The following MORC1 variants were observed in gnomAD, a reference collection of about 807,000 sequenced individuals.
The protein encoded by MORC1 is MORC family CW-type zinc finger protein 1.
Under a neutral mutation model 134.9 loss-of-function variants are expected in MORC1, and 59 were observed. The ratio of observed to expected loss-of-function variants is 0.44; its 90% CI spans 0.35 to 0.54. The LOEUF (loss-of-function observed/expected upper bound fraction) is 0.54, where lower values mean the gene tolerates loss of function less well. Ranked by LOEUF, MORC1 falls within the 20% of genes least tolerant of loss-of-function variation. The pLI is 0.00. For synonymous variants in MORC1, 395 were observed against 391.7 expected, an observed-to-expected ratio of 1.01 and a Z score of -0.10; for missense variants, 947 against 1,134.5, an observed-to-expected ratio of 0.83 and a Z score of 2.37.
chr3:108,980,681 A>G (rs1000358618), intron 23 of MORC1, among the ~76,000 whole-genome samples: 19 of 152,230 alleles, frequency 1.2e-4, no homozygotes, highest in Non-Finnish European at 2.9e-5. Flanking sequence ...TTACAATATT[A>G]CCAGAAAAAA....
At chr3:109,091,511 G>A (rs986036667) in intron 8 of MORC1, among the ~76,000 whole-genome samples, 3 of 151,774 alleles carry the variant, frequency 2.0e-5, no homozygotes, top group Non-Finnish European at 4.4e-5. Context: ...AGGGAGCTTG[G>A]GAGTGATGGG....
At chr3:109,049,104 C>T (rs1343874682) in intron 14 of MORC1, 4 of 973,432 alleles carry the variant, frequency 4.1e-6, no homozygotes, top group Non-Finnish European at 4.9e-6. Flanking sequence ...CATATTCTCA[C>T]CTTTTAATAT....
At position 109,043,191 on chromosome 3, in the gene MORC1, G is replaced by T. The variant is rs1273082366; in HGVS notation, c.1331-7723C>A. On this transcript the variant is annotated intron_variant, in intron 14 of 27. Coordinates refer to ENST00000232603, the MANE Select transcript of MORC1 (RefSeq NM_014429.4). ...ATAAGCAAAATGTGGCAAAATGTGG[G>T]GGGGGGGGGGTGTGTATAACAGAAT... Among the ~76,000 whole-genome samples, 16 of 108,426 alleles carry T rather than the reference G, an allele frequency of 1.5e-4. No individual in the cohort carries two copies. The South Asian group carries it at 1.6e-3, about 11-fold the overall frequency. 71.1% of individuals were successfully genotyped at this position (108,426 alleles called of 152,430 possible). A position where few individuals can be genotyped will look rare whatever the true frequency, so the allele number is the denominator to read the frequency against.
At chr3:109,021,468 T>G (rs1354470006) in intron 17 of MORC1, among the ~76,000 whole-genome samples, 1 of 152,194 alleles carries the variant, frequency 6.6e-6, no homozygotes, top group Non-Finnish European at 1.5e-5. Context: ...GTCAAAGCTA[T>G]TGCTGTCCTT....
At chr3:108,996,282 G>GCACACACACACACACACACACA (rs71625232) in intron 21 of MORC1, among the ~76,000 whole-genome samples, 1 of 48,710 alleles carries the variant, frequency 2.1e-5, no homozygotes, top group African/African-American at 6.5e-5. Flanking sequence ...GCGTGCGCGC[G>GCACACACACACACACACACACA]CGCGCACACA....
chr3:109,076,219 G>A lies in MORC1; in HGVS notation c.690-6462C>T, dbSNP rs556603930. On this transcript the variant is annotated intron_variant, in intron 8 of 27. Coordinates refer to ENST00000232603, the MANE Select transcript of MORC1 (RefSeq NM_014429.4). ...GAAGACATTTATGTGGCCAACAAACGTATGAAAAAAAGCTCATCATCACTG... is the reference window on the plus strand; with the variant it reads ...GAAGACATTTATGTGGCCAACAAACATATGAAAAAAAGCTCATCATCACTG... Among the ~76,000 whole-genome samples the A allele has an allele frequency of 7.0e-3, 1,059 of 152,030 alleles. 5 individuals are homozygous for A. The highest frequency in any genetic ancestry group is 9.7e-3 in the Non-Finnish European group (659 of 67,958).
chr3:109,091,454 T>A (rs1020660068), intron 8 of MORC1, among the ~76,000 whole-genome samples: 21 of 149,884 alleles, frequency 1.4e-4, no homozygotes, highest in African/African-American at 4.6e-4. Context: ...AAAAAATAAA[T>A]AAATAAATAA....
At position 109,021,295 on chromosome 3, in the gene MORC1, G is replaced by T. The variant is rs566534675; in HGVS notation, c.1704+6456C>A. On this transcript the variant is annotated intron_variant, in intron 17 of 27. Transcript: ENST00000232603. ...GTTTTTGTAGGGTAGAGATCAAATAGGTGTATTTGCATTAAAACCCAAATC... is the reference window on the plus strand; with the variant it reads ...GTTTTTGTAGGGTAGAGATCAAATATGTGTATTTGCATTAAAACCCAAATC... Among the ~76,000 whole-genome samples the T allele has an allele frequency of 2.6e-5, 4 of 152,216 alleles. No homozygotes were observed. In the South Asian group the frequency reaches 8.3e-4, roughly 32 times the overall value.
intron 8 of MORC1, among the ~76,000 whole-genome samples, chr3:109,087,202 G>A (rs1475458600): frequency 1.3e-5 from 2 of 151,686 alleles, no homozygotes; most frequent in African/African-American, 4.8e-5. Flanking sequence ...TGAGGTATAT[G>A]AGAAGTAAAG....
At chr3:109,088,648 A>G (rs1000617931) in intron 8 of MORC1, among the ~76,000 whole-genome samples, 4 of 152,106 alleles carry the variant, frequency 2.6e-5, no homozygotes, top group Admixed American at 1.3e-4. Flanking sequence ...GGAAAGTACT[A>G]TGGCAATTCC....
At chr3:109,096,036 C>T (rs1157670806) in intron 6 of MORC1, among the ~76,000 whole-genome samples, 4 of 151,866 alleles carry the variant, frequency 2.6e-5, no homozygotes, top group African/African-American at 9.7e-5. Flanking sequence ...AAACAGAAAC[C>T]ATAAAAAGAT....
At chr3:109,082,846 A>G (rs1312511827) in intron 8 of MORC1, among the ~76,000 whole-genome samples, 1 of 152,206 alleles carries the variant, frequency 6.6e-6, no homozygotes, top group Non-Finnish European at 1.5e-5. Flanking sequence ...AGCAAGAGCA[A>G]GGGTTAGAAA....
At chr3:109,038,869 C>A (rs146705352) in intron 14 of MORC1, among the ~76,000 whole-genome samples, 1 of 152,032 alleles carries the variant, frequency 6.6e-6, no homozygotes, top group African/African-American at 2.4e-5. Flanking sequence ...AGTCAGGTAG[C>A]GCGATGCCTC....
chr3:109,025,612 A>T (rs1949057669), intron 17 of MORC1, among the ~76,000 whole-genome samples: 1 of 151,290 alleles, frequency 6.6e-6, no homozygotes, highest in Non-Finnish European at 1.5e-5. Context: ...CAAACTCCTG[A>T]CCTCAAGTGA....
chr3:109,058,863 T>C (rs1480782755), intron 12 of MORC1, among the ~76,000 whole-genome samples: 1 of 152,082 alleles, frequency 6.6e-6, no homozygotes, highest in African/African-American at 2.4e-5. Context: ...AACAAGTTCA[T>C]GGCAACTGGC....
At chr3:109,105,557 T>C (rs1437581098) in intron 3 of MORC1, among the ~76,000 whole-genome samples, 1 of 151,862 alleles carries the variant, frequency 6.6e-6, no homozygotes, top group African/African-American at 2.4e-5. Context: ...CACATGCCTC[T>C]AGACTTGGCC....
chr3:109,109,838 T>G (rs958654418), intron 3 of MORC1: 1 of 152,286 alleles, frequency 6.6e-6, no homozygotes, highest in Non-Finnish European at 1.5e-5. Flanking sequence ...GAAGCCCAAC[T>G]CCACTGGGCG....
At chr3:108,983,155 A>G (rs1947794649) in intron 23 of MORC1, among the ~76,000 whole-genome samples, 1 of 152,252 alleles carries the variant, frequency 6.6e-6, no homozygotes, top group African/African-American at 2.4e-5. Flanking sequence ...GCAAATTTTC[A>G]TAAATAATTC....
chr3:109,055,026 C>A, intron 13 of MORC1, 144 bp from the exon 14 acceptor site: 1 of 733,822 alleles, frequency 1.4e-6, no homozygotes, highest in Middle Eastern at 3.8e-4. Flanking sequence ...AACAAGTTAG[C>A]TAATTATGTT....
Sources: gnomAD v4.1 joint callset for allele counts (sites outside exome capture counted in the v4.1 genomes callset) on GRCh38, gnomAD v4.1.1 for gene constraint, MANE v1.5 for transcripts, NCBI Gene and HGNC (gene_info 2026-07-23, HGNC 2026-07-21) for gene names.